The following TMEM198 variants were observed in gnomAD, a reference collection of about 807,000 sequenced individuals.
TMEM198 encodes transmembrane protein 198.
In TMEM198, 21 loss-of-function variants were observed where a neutral mutation model predicts 31.5. The observed-to-expected ratio is 0.67, with a 90% CI of 0.47 to 0.96. The LOEUF (loss-of-function observed/expected upper bound fraction) is 0.96. Ranked by LOEUF, TMEM198 falls within the 40% of genes least tolerant of loss-of-function variation. TMEM198 has a pLI of 0.00. For synonymous variants in TMEM198, 211 were observed against 223.3 expected (o/e 0.95, Z 0.49); for missense variants, 447 against 499.4 (o/e 0.89, Z 1.00).
chr2:219,544,584 T>C (rs1291356120), intron 1 of TMEM198, 105 bp from the exon 2 acceptor site: 2 of 874,814 alleles, frequency 2.3e-6, no homozygotes, highest in Non-Finnish European at 3.5e-6. Flanking sequence ...ATGTGGATAC[T>C]ATTCCTTTGT....
At chr2:219,545,281 C>G (rs1030431479) in intron 2 of TMEM198, among the ~76,000 whole-genome samples, 2 of 152,226 alleles carry the variant, frequency 1.3e-5, no homozygotes, top group African/African-American at 4.8e-5. Flanking sequence ...CCACTGAAAA[C>G]ACTTAGCAGG....
intron 3 of TMEM198, 90 bp from the exon 4 acceptor site, chr2:219,549,062 C>G (rs760375457): frequency 6.8e-7 from 1 of 1,462,692 alleles, no homozygotes; most frequent in Admixed American, 1.8e-5. Flanking sequence ...ATCTGGAAGC[C>G]TAGAGCCACA....
chr2:219,547,330 C>T, intron 2 of TMEM198, 176 bp from the exon 3 acceptor site: 1 of 498,244 alleles, frequency 2.0e-6, no homozygotes, highest in East Asian at 3.1e-5. Context: ...CTAACCTCCC[C>T]TGACCTCAAT....
At chr2:219,545,326 T>C (rs963535011) in intron 2 of TMEM198, among the ~76,000 whole-genome samples, 1 of 152,212 alleles carries the variant, frequency 6.6e-6, no homozygotes, top group Non-Finnish European at 1.5e-5. Context: ...CAGGGCATAT[T>C]GTCTGACAGG....
In TMEM198 at chr2:219,547,502, C is replaced by G. The variant is rs1366438451; in HGVS notation, c.167-4C>G. 7.0e-7 allele frequency: 1 copy of G among 1,421,238 alleles called. No homozygotes were observed. Among genetic ancestry groups the G allele is most frequent in the East Asian group, 2.5e-5 (1 of 39,296 alleles). The allele number at this position is 1,421,238 out of a possible 1,614,324, so 88.0% of individuals were successfully genotyped here. ...GCCCCTCACTAGCCCCTGTTCCCCT[C>G]CAGGTTACCGCTGCTTCAAGGCAGT... On this transcript the variant is annotated splice_polypyrimidine_tract_variant and splice_region_variant and intron_variant, in intron 2 of 4. Transcript: ENST00000373883.
rs200617980 is a variant in TMEM198, at chr2:219,547,974, C to G, written c.635C>G (p.Pro212Arg). The stretch of plus-strand genomic sequence containing the variant: ...CGACTCCGGGCTGCTCCTGTGCCCC[C>G]ACTCTGCTGGCGAAGCTGGGCCCTG... ...VERLRAAPVP[P>R]LCWRSWALLA... is the part of the protein sequence containing the mutation. The change falls in exon 3 of 5, where the codon CCA (proline) becomes CGA (arginine). Residue 212 changes from proline (P) to arginine (R), a missense_variant. Pro to Arg is a moderately radical substitution (Grantham distance 103). Coordinates refer to ENST00000373883, the MANE Select transcript of TMEM198 (RefSeq NM_001005209.3). 2 of 1,587,748 alleles carry G rather than the reference C, an allele frequency of 1.3e-6. No homozygotes were observed. Among genetic ancestry groups the G allele is most frequent in the Non-Finnish European group, 1.7e-6 (2 of 1,171,956 alleles).
At position 219,547,950 on chromosome 2, in the gene TMEM198, G is replaced by A. The variant is rs907885562; in HGVS notation, c.611G>A (p.Arg204Gln). The change falls in exon 3 of 5, where the codon CGA becomes CAA. Residue 204 changes from arginine to glutamine, a missense_variant. Physicochemically the swap from Arg to Gln is conservative, Grantham distance 43 (BLOSUM62 1). Coordinates refer to ENST00000373883, the MANE Select transcript of TMEM198 (RefSeq NM_001005209.3). ...LLLLGRYVVE[R>Q]LRAAPVPPLC... is the part of the protein sequence containing the mutation. The stretch of plus-strand genomic sequence containing the variant: ...CTGCTGGGGCGCTACGTGGTGGAGC[G>A]ACTCCGGGCTGCTCCTGTGCCCCCA... 20 of 1,591,700 alleles carry A rather than the reference G, an allele frequency of 1.3e-5. No homozygotes were observed. The highest frequency in any genetic ancestry group is 2.7e-5 in the African/African-American group (2 of 74,698).
At chr2:219,546,839 T>C (rs1396129594) in intron 2 of TMEM198, among the ~76,000 whole-genome samples, 1 of 147,138 alleles carries the variant, frequency 6.8e-6, no homozygotes, top group Non-Finnish European at 1.5e-5. Context: ...AATGCAATGG[T>C]GCGATCTTGG....
chr2:219,547,520 A>G lies in TMEM198; in HGVS notation c.181A>G (p.Lys61Glu), dbSNP rs770404365. The change falls in exon 3 of 5, where the codon AAG (lysine) becomes GAG (glutamate). Residue 61 changes from lysine to glutamate, a missense_variant. Lys to Glu is a moderately conservative substitution (Grantham distance 56). Coordinates refer to ENST00000373883, the MANE Select transcript of TMEM198 (RefSeq NM_001005209.3). The part of the protein sequence containing the change: ...VYCFFGYRCF[K>E]AVLFLTGLLF... ...TTCCCCTCCAGGTTACCGCTGCTTCAAGGCAGTGCTCTTTCTCACTGGGTT... is the reference window on the plus strand; with the variant it reads ...TTCCCCTCCAGGTTACCGCTGCTTCGAGGCAGTGCTCTTTCTCACTGGGTT... 18 of 1,434,532 alleles carry G rather than the reference A, an allele frequency of 1.3e-5. No homozygotes were observed. Among genetic ancestry groups the G allele is most frequent in the Non-Finnish European group, 1.7e-5 (18 of 1,089,668 alleles). The allele number at this position is 1,434,532 out of a possible 1,614,324, so 88.9% of individuals were successfully genotyped here. A position where few individuals can be genotyped will look rare whatever the true frequency, so the allele number is the denominator to read the frequency against.
In TMEM198 at chr2:219,544,310, G is replaced by T. The variant is rs769539377; in HGVS notation, c.-107G>T. 2.1e-6 allele frequency: 1 copy of T among 471,886 alleles called. No homozygotes were observed. 29.2% of individuals were successfully genotyped at this position (471,886 alleles called of 1,614,324 possible). ...AGTCAGTTGGAGCCTCTGGCGCCCC[G>T]CAACCCCGGCCCCTCGGGCCTCTGC... On this transcript the variant is annotated 5_prime_UTR_variant, in exon 1 of 5. Transcript: ENST00000373883.
At position 219,549,098 on chromosome 2, in the gene TMEM198, A is replaced by T. The variant is rs765107675; in HGVS notation, c.743-54A>T. Reference sequence around the variant, plus strand: ...GGTGGGATGAGAGAGGGAGGGCTCAAGGGAAACAAGGCGCACCGTCCTCTG... The same window carrying T: ...GGTGGGATGAGAGAGGGAGGGCTCATGGGAAACAAGGCGCACCGTCCTCTG... On this transcript the variant is annotated intron_variant, in intron 3 of 4. Transcript: ENST00000373883. 28 of 1,602,778 alleles carry T rather than the reference A, an allele frequency of 1.7e-5. No individual in the cohort carries two copies. In the African/African-American group the frequency reaches 3.7e-4, roughly 21 times the overall value.
upstream of TMEM198, chr2:219,543,808 G>C (rs914867971): frequency 2.2e-6 from 1 of 453,982 alleles, no homozygotes; most frequent in Non-Finnish European, 3.9e-6. Flanking sequence ...ACGTGTCACT[G>C]CAAGGGCCCC....
At chr2:219,549,614 A>G (rs112264227) in intron 4 of TMEM198, 103 bp from the exon 5 acceptor site, 1 of 1,539,086 alleles carries the variant, frequency 6.5e-7, no homozygotes, top group South Asian at 1.2e-5. Context: ...CTCTGGGTCT[A>G]TGGCAGTCTA....
Position 219,544,036 on chromosome 2 carries a change from C to T in TMEM198, c.-381C>T. The stretch of plus-strand genomic sequence containing the variant: ...GGTGCGCCCTGAGTGACGTCAGGAG[C>T]AGAGGCCGGAGCTGTCCATCAGCAC... On this transcript the variant is annotated 5_prime_UTR_variant, in exon 1 of 5. Transcript: ENST00000373883. 5.4e-6 allele frequency: 2 copies of T among 367,610 alleles called. No individual in the cohort carries two copies. The highest frequency in any genetic ancestry group is 6.9e-5 in the Admixed American group (2 of 29,182). The allele number at this position is 367,610 out of a possible 1,614,324, so 22.8% of individuals were successfully genotyped here. A position where few individuals can be genotyped will look rare whatever the true frequency, so the allele number is the denominator to read the frequency against.
Position 219,549,808 on chromosome 2 carries a change from C to G in TMEM198, c.1037C>G (p.Ser346Cys). The part of the protein sequence containing the change: ...SPTDADYEYG[S>C]RGPLTACSGP... The stretch of plus-strand genomic sequence containing the variant: ...ACAGATGCGGACTATGAGTATGGGT[C>G]CCGGGGACCTCTGACAGCCTGCTCA... The change falls in exon 5 of 5, where the codon TCC becomes TGC. Residue 346 changes from serine (S) to cysteine (C), a missense_variant. Ser to Cys is a moderately radical substitution (Grantham distance 112). Transcript: ENST00000373883. 5 of 1,614,090 alleles carry G rather than the reference C, an allele frequency of 3.1e-6. No homozygotes were observed. Among genetic ancestry groups the G allele is most frequent in the Non-Finnish European group, 4.2e-6 (5 of 1,180,018 alleles).
In TMEM198 at chr2:219,549,944, G is replaced by C; in HGVS notation, c.*90G>C. On this transcript the variant is annotated 3_prime_UTR_variant, in exon 5 of 5. Transcript: ENST00000373883. ...GCCACTCAGCCTCCTGGCTTTGGCT[G>C]TCCCTCTCCCCAGCCTGGAGAGGGC... The C allele has an allele frequency of 6.5e-7, 1 of 1,532,294 alleles. No homozygotes were observed. The highest frequency in any genetic ancestry group is 8.9e-7 in the Non-Finnish European group (1 of 1,127,922). The allele number at this position is 1,532,294 out of a possible 1,614,324, so 94.9% of individuals were successfully genotyped here.
chr2:219,543,709 G>A (rs1254187516), upstream of TMEM198: 2 of 449,552 alleles, frequency 4.4e-6, no homozygotes, highest in Non-Finnish European at 3.8e-6. Context: ...CCCCGGAGCC[G>A]CGCCTCGATT....
At position 219,549,374 on chromosome 2, in the gene TMEM198, C is replaced by G. The variant is rs1335871240; in HGVS notation, c.945+20C>G. The G allele has an allele frequency of 4.4e-6, 7 of 1,600,608 alleles. No homozygotes were observed. Among genetic ancestry groups the G allele is most frequent in the Middle Eastern group, 1.8e-4 (1 of 5,460 alleles). ...TCCCCGGTGAGCTCCCTGAGCCCATCCAGCCAGAATGAGAAGGAAGTGTGG... is the reference window on the plus strand; with the variant it reads ...TCCCCGGTGAGCTCCCTGAGCCCATGCAGCCAGAATGAGAAGGAAGTGTGG... On this transcript the variant is annotated intron_variant, in intron 4 of 4. Transcript: ENST00000373883.
chr2:219,543,778 G>A (rs1695330175), upstream of TMEM198: 3 of 462,722 alleles, frequency 6.5e-6, no homozygotes, highest in South Asian at 4.2e-5. Flanking sequence ...TGGAGCCTCA[G>A]CCGCGGCCGC....
Sources: allele counts gnomAD v4.1 joint callset (sites outside exome capture counted in the v4.1 genomes callset), GRCh38; gene constraint gnomAD v4.1.1; transcripts MANE v1.5; gene names NCBI Gene and HGNC (gene_info 2026-07-23, HGNC 2026-07-21).